GRIN2B: variants seen among roughly 807,000 people sequenced by gnomAD.
GRIN2B encodes glutamate receptor ionotropic, NMDA 2B.
In GRIN2B, 5 loss-of-function variants were observed where a neutral mutation model predicts 114.5. The observed-to-expected ratio is 0.04, with a 90% CI of 0.02 to 0.09. The LOEUF is 0.09. Ranked by LOEUF, GRIN2B falls within the 10% of genes least tolerant of loss-of-function variation. The pLI is 1.00. For synonymous variants in GRIN2B, 787 were observed against 745.1 expected (o/e 1.06, Z -0.92); for missense variants, 1,108 against 1,943.5 (o/e 0.57, Z 8.08).
chr12:13,868,290 T>C (rs1161980400), intron 2 of GRIN2B, among the ~76,000 whole-genome samples: 1 of 152,166 alleles, frequency 6.6e-6, no homozygotes, highest in Non-Finnish European at 1.5e-5. Context: ...CCATGAGCCC[T>C]GGAAACCTTT....
chr12:13,824,217 C>T (rs1045547008), intron 3 of GRIN2B, among the ~76,000 whole-genome samples: 4 of 152,030 alleles, frequency 2.6e-5, no homozygotes, highest in Non-Finnish European at 5.9e-5. Context: ...TTTCTTTATA[C>T]GTTTGGTAGA....
intron 2 of GRIN2B, among the ~76,000 whole-genome samples, chr12:13,954,996 T>C (rs998701529): frequency 6.6e-6 from 1 of 152,004 alleles, no homozygotes; most frequent in East Asian, 1.9e-4. Flanking sequence ...AGGGACAAAG[T>C]CATGTGGTTG....
At position 13,561,543 on chromosome 12, in the gene GRIN2B, A is replaced by G. The variant is rs1450031461; in HGVS notation, c.*1240T>C. On this transcript the variant is annotated 3_prime_UTR_variant, in exon 14 of 14. Transcript: ENST00000609686. ...GTAAGAAGGGATCAAAGCATTGGAA[A>G]CATCCCCCTCTCTCACTTACCCTAC... The G allele has an allele frequency of 2.0e-5, 3 of 152,704 alleles. No homozygotes were observed. Among genetic ancestry groups the G allele is most frequent in the Non-Finnish European group, 4.4e-5 (3 of 68,032 alleles). The allele number at this position is 152,704 out of a possible 1,614,324, so 9.5% of individuals were successfully genotyped here. A position where few individuals can be genotyped will look rare whatever the true frequency, so the allele number is the denominator to read the frequency against.
chr12:13,948,906 C>T (rs1357241379), intron 2 of GRIN2B, among the ~76,000 whole-genome samples: 2 of 152,110 alleles, frequency 1.3e-5, no homozygotes, highest in African/African-American at 2.4e-5. Context: ...ACCCAGGAAC[C>T]ACAAACTCAC....
At chr12:13,880,108 G>A (rs960021224) in intron 2 of GRIN2B, among the ~76,000 whole-genome samples, 8 of 152,186 alleles carry the variant, frequency 5.3e-5, no homozygotes, top group Admixed American at 2.6e-4. Flanking sequence ...TGTCAGGGCC[G>A]CAGAGAGGGC....
chr12:13,677,106 G>A (rs1051209232), intron 4 of GRIN2B, among the ~76,000 whole-genome samples: 10 of 152,158 alleles, frequency 6.6e-5, no homozygotes, highest in Non-Finnish European at 1.3e-4. Context: ...GGTAATTAAT[G>A]TCTTTTTACC....
At chr12:13,668,645 G>A (rs1044306656) in intron 5 of GRIN2B, among the ~76,000 whole-genome samples, 13 of 152,032 alleles carry the variant, frequency 8.6e-5, no homozygotes, top group Non-Finnish European at 1.5e-4. Context: ...CAGTGGCCCC[G>A]TGTCATTGTC....
Position 13,571,655 on chromosome 12 carries a change from T to A in GRIN2B, c.2171+149A>T, listed in dbSNP as rs1948710588. 8 of 828,146 alleles carry A rather than the reference T, an allele frequency of 9.7e-6. No individual in the cohort carries two copies. The East Asian group carries it at 2.0e-4, about 20-fold the overall frequency. 51.3% of individuals were successfully genotyped at this position (828,146 alleles called of 1,614,324 possible). On this transcript the variant is annotated intron_variant, in intron 11 of 13. Transcript: ENST00000609686. ...CACTGGTCTAAATGATACGATCAAATTTAACTTGGAAATCCATAAAGAGCA... is the reference window on the plus strand; with the variant it reads ...CACTGGTCTAAATGATACGATCAAAATTAACTTGGAAATCCATAAAGAGCA...
intron 2 of GRIN2B, among the ~76,000 whole-genome samples, chr12:13,882,435 T>A (rs1472664819): frequency 6.6e-6 from 1 of 152,090 alleles, no homozygotes; most frequent in Non-Finnish European, 1.5e-5. Context: ...TTTTTCAAAA[T>A]TGGCAAATAT....
chr12:13,895,978 T>C (rs1176007251), intron 2 of GRIN2B, among the ~76,000 whole-genome samples: 2 of 152,196 alleles, frequency 1.3e-5, no homozygotes, highest in Admixed American at 1.3e-4. Context: ...TTTTACCAAA[T>C]ACATGTGTGC....
At chr12:13,663,379 GT>G (rs1418454331) in intron 5 of GRIN2B, among the ~76,000 whole-genome samples, 1 of 152,170 alleles carries the variant, frequency 6.6e-6, no homozygotes, top group East Asian at 1.9e-4. Context: ...CAACATGGTG[GT>G]TTATTACAGT....
chr12:13,820,455 C>T (rs1317089892), intron 3 of GRIN2B, among the ~76,000 whole-genome samples: 2 of 152,190 alleles, frequency 1.3e-5, no homozygotes, highest in Non-Finnish European at 2.9e-5. Flanking sequence ...GTGAGTAAAA[C>T]ACTGAATTTA....
At chr12:13,732,191 G>C (rs1004136553) in intron 4 of GRIN2B, among the ~76,000 whole-genome samples, 43 of 151,548 alleles carry the variant, frequency 2.8e-4, no homozygotes, top group African/African-American at 9.9e-4. Context: ...AACAGAGCTG[G>C]AGAAAATAAA....
chr12:13,611,078 C>T (rs1949360146), intron 9 of GRIN2B, among the ~76,000 whole-genome samples: 1 of 152,210 alleles, frequency 6.6e-6, no homozygotes, highest in South Asian at 2.1e-4. Context: ...TAAAAACTGT[C>T]ATAAATGCCT....
Position 13,607,352 on chromosome 12 carries a change from A to ATATATATT in GRIN2B, c.2010+1250_2010+1251insAATATATA, listed in dbSNP as rs1565473680. Reference sequence around the variant, plus strand: ...AATATATATTATATATAATATATAAAATATATAATATATATTATATATTAT... The same window carrying ATATATATT: ...AATATATATTATATATAATATATAAATATATATTATATATAATATATATTATATATTAT... On this transcript the variant is annotated intron_variant, in intron 10 of 13. Coordinates refer to ENST00000609686, the MANE Select transcript of GRIN2B (RefSeq NM_000834.5). Among the ~76,000 whole-genome samples, 10 of 29,846 alleles carry ATATATATT rather than the reference A, an allele frequency of 3.4e-4. 1 individual carries two copies. The highest frequency in any genetic ancestry group is 5.8e-4 in the South Asian group (1 of 1,730). The allele number at this position is 29,846 out of a possible 152,430, so 19.6% of individuals were successfully genotyped here. A position where few individuals can be genotyped will look rare whatever the true frequency, so the allele number is the denominator to read the frequency against.
At position 13,549,790 on chromosome 12, in the gene GRIN2B, C is replaced by G. The variant is rs1050723581; in HGVS notation, c.*12993G>C. On this transcript the variant is annotated 3_prime_UTR_variant, in exon 14 of 14. Transcript: ENST00000609686. Reference sequence around the variant, plus strand: ...AGTTTTCTTCACCGTGGAAACCTCTCTAACCTTTCTGATTTTCAAATTTTT... The same window carrying G: ...AGTTTTCTTCACCGTGGAAACCTCTGTAACCTTTCTGATTTTCAAATTTTT... The G allele has an allele frequency of 6.6e-6, 1 of 152,200 alleles. No homozygotes were observed. The highest frequency in any genetic ancestry group is 1.5e-5 in the Non-Finnish European group (1 of 68,026). The allele number at this position is 152,200 out of a possible 1,614,324, so 9.4% of individuals were successfully genotyped here.
intron 13 of GRIN2B, 72 bp downstream of exon 13, chr12:13,566,953 T>C: frequency 9.7e-7 from 1 of 1,025,752 alleles, no homozygotes; most frequent in Non-Finnish European, 1.6e-6. Flanking sequence ...TCCTCTTGGT[T>C]CTCTCTGCTT....
chr12:13,810,866 G>A (rs1204712336), intron 3 of GRIN2B, among the ~76,000 whole-genome samples: 1 of 152,202 alleles, frequency 6.6e-6, no homozygotes, highest in African/African-American at 2.4e-5. Context: ...TATCAGAAGA[G>A]GGTCACAGAA....
intron 2 of GRIN2B, among the ~76,000 whole-genome samples, chr12:13,913,459 G>T (rs56871322): frequency 0.019 from 2,835 of 152,270 alleles, 65 homozygotes; most frequent in African/African-American, 0.05. Flanking sequence ...AGGCAGGGAA[G>T]GAATCCTAAA....
Sources: allele counts gnomAD v4.1 joint callset (sites outside exome capture counted in the v4.1 genomes callset), GRCh38; gene constraint gnomAD v4.1.1; transcripts MANE v1.5; gene names NCBI Gene and HGNC (gene_info 2026-07-23, HGNC 2026-07-21).